NRXN3: variants seen among roughly 807,000 people sequenced by gnomAD.
NRXN3 encodes the protein neurexin III.
In NRXN3, 32 loss-of-function variants were observed where a neutral mutation model predicts 137.6. That is an observed-to-expected ratio of 0.23 (90% confidence interval 0.18 to 0.31). The LOEUF is 0.31. Among genes scored for constraint, NRXN3 ranks in the 10% least tolerant of loss-of-function variants. The probability of loss-of-function intolerance (pLI) is 1.00; values close to 1 mark genes in which losing one functional copy is unlikely to be tolerated. For missense variants in NRXN3, 1,574 were observed against 2,062.5 expected (o/e 0.76, Z 4.59); for synonymous variants, 798 against 784.5 (o/e 1.02, Z -0.29).
intron 15 of NRXN3, among the ~76,000 whole-genome samples, chr14:79,073,547 T>C (rs950999860): frequency 6.6e-6 from 1 of 152,158 alleles, no homozygotes; most frequent in Non-Finnish European, 1.5e-5. Context: ...TGATAGAAGT[T>C]ACTAGGACCA....
intron 15 of NRXN3, among the ~76,000 whole-genome samples, chr14:79,276,709 T>TAAAAAAAAAAA (rs757712972): frequency 1.6e-5 from 2 of 122,028 alleles, no homozygotes; most frequent in African/African-American, 3.0e-5. Context: ...CAATGCCAAT[T>TAAAAAAAAAAA]AAAAAAAAAA....
chr14:78,393,567 C>G (rs2091051707), intron 4 of NRXN3, among the ~76,000 whole-genome samples: 1 of 151,920 alleles, frequency 6.6e-6, no homozygotes, highest in Non-Finnish European at 1.5e-5. Flanking sequence ...CTTCATTTTT[C>G]TTTTTCAATA....
chr14:79,134,668 A>C (rs1197479905), intron 15 of NRXN3, among the ~76,000 whole-genome samples: 1 of 152,162 alleles, frequency 6.6e-6, no homozygotes, highest in Non-Finnish European at 1.5e-5. Context: ...GCACTTTGTC[A>C]ATTTTTTTCT....
Position 78,178,326 on chromosome 14 carries a change from A to G in NRXN3, c.-704+7652A>G, listed in dbSNP as rs117942181. On this transcript the variant is annotated intron_variant, in intron 1 of 20. Transcript: ENST00000335750. ...CTTGCTGAAGGTGCTGCTGTCAGTT[A>G]GAGGCATTTCAGGCTTAGGAGGAGG... Among the ~76,000 whole-genome samples the G allele has an allele frequency of 5.4e-3, 816 of 152,326 alleles. 4 individuals carry two copies. The highest frequency in any genetic ancestry group is 8.5e-3 in the Admixed American group (130 of 15,300).
chr14:79,760,575 A>T, intron 19 of NRXN3: 1 of 151,492 alleles, frequency 6.6e-6, no homozygotes, highest in East Asian at 1.9e-4. Context: ...CTAAAAAAAA[A>T]ATTTTTCACA....
intron 1 of NRXN3, among the ~76,000 whole-genome samples, chr14:78,225,355 G>A (rs1316268914): frequency 5.9e-5 from 9 of 152,160 alleles, no homozygotes; most frequent in East Asian, 1.9e-4. Flanking sequence ...GGTCAGGGAC[G>A]GTGAGCATTT....
chr14:78,626,873 A>G (rs1017751803), intron 4 of NRXN3, among the ~76,000 whole-genome samples: 1 of 152,218 alleles, frequency 6.6e-6, no homozygotes, highest in Non-Finnish European at 1.5e-5. Flanking sequence ...AGCATTTTAT[A>G]TATCACAAGC....
At chr14:79,464,585 C>G (rs976258214) in intron 15 of NRXN3, among the ~76,000 whole-genome samples, 1 of 152,248 alleles carries the variant, frequency 6.6e-6, no homozygotes, top group Admixed American at 6.5e-5. Flanking sequence ...GATGGCCAGA[C>G]AAGCTTTTGA....
At chr14:79,285,156 A>G (rs2082034989) in intron 15 of NRXN3, among the ~76,000 whole-genome samples, 1 of 152,046 alleles carries the variant, frequency 6.6e-6, no homozygotes, top group African/African-American at 2.4e-5. Flanking sequence ...TAGAGAGGAG[A>G]GATAAGATCA....
chr14:79,027,752 G>A (rs974999257), intron 15 of NRXN3, among the ~76,000 whole-genome samples: 1 of 152,116 alleles, frequency 6.6e-6, no homozygotes, highest in Non-Finnish European at 1.5e-5. Context: ...AATGTTATGT[G>A]TCTTTTCTTT....
Position 78,380,790 on chromosome 14 carries a change from G to GTT in NRXN3, c.757+82946_757+82947dup, listed in dbSNP as rs55664650. Among the ~76,000 whole-genome samples the GTT allele has an allele frequency of 7.1e-3, 1,028 of 145,620 alleles. 36 individuals carry two copies. The East Asian group carries it at 0.083, about 12-fold the overall frequency. On this transcript the variant is annotated intron_variant, in intron 4 of 20. Coordinates refer to ENST00000335750, the MANE Select transcript of NRXN3 (RefSeq NM_001330195.2). ...CACAATTTCTTTCAAATCTTATCAA[G>GTT]TTTTTTTTTTTTTTTTTAGATATAG... is the stretch of plus-strand genomic sequence containing the variant.
intron 15 of NRXN3, among the ~76,000 whole-genome samples, chr14:79,243,661 T>A (rs2074671874): frequency 6.6e-6 from 1 of 152,148 alleles, no homozygotes; most frequent in African/African-American, 2.4e-5. Flanking sequence ...CAGCCTATTG[T>A]TCCTAGGCTA....
chr14:79,645,884 G>T (rs1362687269), intron 16 of NRXN3, among the ~76,000 whole-genome samples: 2 of 135,708 alleles, frequency 1.5e-5, no homozygotes, highest in East Asian at 3.9e-4. Flanking sequence ...AGTTTTGCTG[G>T]ATTCCACTTT....
chr14:78,904,993 C>T (rs2099210827), intron 10 of NRXN3, among the ~76,000 whole-genome samples: 1 of 152,042 alleles, frequency 6.6e-6, no homozygotes, highest in Non-Finnish European at 1.5e-5. Flanking sequence ...TCCTGCACAA[C>T]CACCCAGTTA....
chr14:78,351,854 A>G (rs974334219), intron 4 of NRXN3, among the ~76,000 whole-genome samples: 2 of 144,684 alleles, frequency 1.4e-5, no homozygotes, highest in African/African-American at 5.1e-5. Context: ...TTGGCTCTCC[A>G]TAGGTTGTAT....
At chr14:79,609,932 A>C (rs1266516461) in intron 16 of NRXN3, among the ~76,000 whole-genome samples, 2 of 151,820 alleles carry the variant, frequency 1.3e-5, no homozygotes, top group Non-Finnish European at 2.9e-5. Flanking sequence ...GGAACATCAC[A>C]CACTGGGGCC....
intron 15 of NRXN3, among the ~76,000 whole-genome samples, chr14:79,290,232 G>A (rs909782715): frequency 2.0e-5 from 3 of 152,150 alleles, no homozygotes; most frequent in Non-Finnish European, 2.9e-5. Context: ...CAGAACTGAC[G>A]ATATATATTT....
chr14:79,418,016 T>C (rs1016677106), intron 15 of NRXN3, among the ~76,000 whole-genome samples: 2 of 151,470 alleles, frequency 1.3e-5, no homozygotes, highest in African/African-American at 4.8e-5. Context: ...AAAACAGGTT[T>C]ACAACTGTTT....
chr14:79,206,377 A>G (rs989501148), intron 15 of NRXN3, among the ~76,000 whole-genome samples: 10 of 152,206 alleles, frequency 6.6e-5, no homozygotes, highest in Non-Finnish European at 1.3e-4. Flanking sequence ...GGAAGAGAGC[A>G]GGCTGTAGAA....
Sources: gnomAD v4.1 joint callset for allele counts (sites outside exome capture counted in the v4.1 genomes callset) on GRCh38, gnomAD v4.1.1 for gene constraint, MANE v1.5 for transcripts, NCBI Gene and HGNC (gene_info 2026-07-23, HGNC 2026-07-21) for gene names.